NLGN4Y: variants seen among roughly 807,000 people sequenced by gnomAD.
NLGN4Y encodes the protein neuroligin-4, Y-linked.
A neutral mutation model predicts 8.4 loss-of-function variants in NLGN4Y; 4 were observed. The ratio of observed to expected loss-of-function variants is 0.48; its 90% CI spans 0.23 to 1.09. The LOEUF (loss-of-function observed/expected upper bound fraction) is 1.09, where lower values mean the gene tolerates loss of function less well. NLGN4Y is among the 50% of genes least tolerant of loss of function. The pLI is 0.19. For synonymous variants in NLGN4Y, 35 were observed against 75.6 expected, an observed-to-expected ratio of 0.46 and a Z score of 2.78; for missense variants, 90 against 192.3, an observed-to-expected ratio of 0.47 and a Z score of 3.15.
At chrY:14,743,247 A>G (rs2081012776) in intron 4 of NLGN4Y, among the ~76,000 whole-genome samples, 1 of 33,270 alleles carries the variant, frequency 3.0e-5, no homozygotes, top group South Asian at 6.6e-4. Flanking sequence ...TAATCTCAGC[A>G]CTTCAGGAGG....
chrY:14,750,103 C>G, intron 4 of NLGN4Y, among the ~76,000 whole-genome samples: 1 of 32,646 alleles, frequency 3.1e-5, no homozygotes, highest in East Asian at 8.0e-4. Context: ...CTATTCTTCA[C>G]CTGCTGCAAT....
At position 14,778,079 on chromosome Y, in the gene NLGN4Y, C is replaced by A. The variant is rs545238787; in HGVS notation, c.686-46109C>A. On this transcript the variant is annotated intron_variant, in intron 4 of 6. Transcript: ENST00000684976. ...AATAAATAAATAAATAAATAAATAA[C>A]TATGTATGTTCTTTCCAGCTTTTCA... 7.5e-3 allele frequency among the ~76,000 whole-genome samples: 186 copies of A among 24,898 alleles called. No homozygotes were observed. In the South Asian group the frequency reaches 0.19, roughly 26 times the overall value. The allele number at this position is 24,898 out of a possible 37,273, so 66.8% of individuals were successfully genotyped here.
intron 4 of NLGN4Y, chrY:14,733,695 G>T: frequency 1.1e-5 from 1 of 90,399 alleles, no homozygotes. Context: ...GTGCACAGGT[G>T]CTGGAACTTG....
intron 1 of NLGN4Y, among the ~76,000 whole-genome samples, chrY:14,554,199 A>AT (rs1569355926): frequency 0.061 from 470 of 7,667 alleles, no homozygotes; most frequent in East Asian, 0.31. Flanking sequence ...TTTTTCCTCT[A>AT]TTTTTTTTTT....
At chrY:14,815,927 GC>G (rs2043100241) in intron 4 of NLGN4Y, among the ~76,000 whole-genome samples, 1 of 33,536 alleles carries the variant, frequency 3.0e-5, no homozygotes, top group South Asian at 6.7e-4. Flanking sequence ...TACCAGTCCT[GC>G]CCAGGATAGT....
chrY:14,685,559 C>T, intron 2 of NLGN4Y, among the ~76,000 whole-genome samples: 1 of 32,826 alleles, frequency 3.0e-5, no homozygotes, highest in African/African-American at 1.2e-4. Flanking sequence ...ATTGCATTGC[C>T]TTCTTCTGCA....
intron 1 of NLGN4Y, among the ~76,000 whole-genome samples, chrY:14,542,783 A>G: frequency 3.0e-5 from 1 of 33,478 alleles, no homozygotes; most frequent in Non-Finnish European, 7.4e-5. Context: ...CATGTACACC[A>G]TAGAATACTA....
At chrY:14,540,731 G>A (rs375406752) in intron 1 of NLGN4Y, among the ~76,000 whole-genome samples, 84 of 33,623 alleles carry the variant, frequency 2.5e-3, no homozygotes, top group Non-Finnish European at 4.2e-3. Flanking sequence ...TGCAGCAGAG[G>A]GGCCTGTTAG....
intron 2 of NLGN4Y, among the ~76,000 whole-genome samples, chrY:14,692,320 C>G (rs751096270): frequency 5.2e-4 from 17 of 32,830 alleles, no homozygotes; most frequent in Non-Finnish European, 7.5e-4. Flanking sequence ...TTATCTAATT[C>G]TTAGTAATCT....
intron 6 of NLGN4Y, among the ~76,000 whole-genome samples, chrY:14,838,491 G>A (rs1026001847): frequency 3.1e-5 from 1 of 32,256 alleles, no homozygotes; most frequent in African/African-American, 1.2e-4. Context: ...TATATGGTTA[G>A]TATACAGTAT....
intron 2 of NLGN4Y, among the ~76,000 whole-genome samples, chrY:14,656,155 A>G (rs2080650422): frequency 9.0e-5 from 3 of 33,450 alleles, no homozygotes; most frequent in African/African-American, 2.3e-4. Context: ...CTAATATCCT[A>G]CTAAGTCTTT....
At chrY:14,603,154 G>GGT (rs757388537) in intron 1 of NLGN4Y, among the ~76,000 whole-genome samples, 47 of 30,775 alleles carry the variant, frequency 1.5e-3, no homozygotes, top group African/African-American at 4.8e-3. Flanking sequence ...GTGTGTGCGT[G>GGT]GTGTGTGTGT....
chrY:14,567,219 ATTTTTTTTT>A (rs751311222), intron 1 of NLGN4Y, among the ~76,000 whole-genome samples: 3 of 13,198 alleles, frequency 2.3e-4, no homozygotes, highest in Non-Finnish European at 4.9e-4. Context: ...TTTGCTTTGA[ATTTTTTTTT>A]TTTTTTTTTT....
At position 14,727,594 on chromosome Y, in the gene NLGN4Y, A is replaced by T. The variant is rs565963237; in HGVS notation, c.685+4325A>T. Reference sequence around the variant, plus strand: ...TATATCCCACTTGCTTCACTTTGTGATTCATCATTGCATGGGTATAACTGG... The same window carrying T: ...TATATCCCACTTGCTTCACTTTGTGTTTCATCATTGCATGGGTATAACTGG... On this transcript the variant is annotated intron_variant, in intron 4 of 6. Coordinates refer to ENST00000684976, the MANE Select transcript of NLGN4Y (RefSeq NM_001365588.1). 1.2e-4 allele frequency among the ~76,000 whole-genome samples: 4 copies of T among 33,538 alleles called. No homozygotes were observed. In the South Asian group the frequency reaches 2.7e-3, roughly 23 times the overall value. 90.0% of individuals were successfully genotyped at this position (33,538 alleles called of 37,273 possible).
chrY:14,636,582 G>T (rs2080566030), intron 2 of NLGN4Y, among the ~76,000 whole-genome samples: 1 of 33,246 alleles, frequency 3.0e-5, no homozygotes, highest in South Asian at 6.7e-4. Context: ...ATAATAATGG[G>T]AACAGATTTC....
chrY:14,600,836 C>T, intron 1 of NLGN4Y, among the ~76,000 whole-genome samples: 2 of 33,096 alleles, frequency 6.0e-5, no homozygotes, highest in South Asian at 6.8e-4. Context: ...TACACATCAC[C>T]TCAAGCATTT....
intron 4 of NLGN4Y, among the ~76,000 whole-genome samples, chrY:14,730,499 C>T (rs2080967963): frequency 3.0e-5 from 1 of 33,201 alleles, no homozygotes. Context: ...ATATTGCACC[C>T]GTCACCTGAA....
chrY:14,547,243 G>C, intron 1 of NLGN4Y, among the ~76,000 whole-genome samples: 1 of 33,223 alleles, frequency 3.0e-5, no homozygotes, highest in Non-Finnish European at 7.4e-5. Context: ...TTCAGTTCTT[G>C]GCCACATTGG....
At chrY:14,746,306 G>T in intron 4 of NLGN4Y, among the ~76,000 whole-genome samples, 1 of 33,310 alleles carries the variant, frequency 3.0e-5, no homozygotes, top group Admixed American at 2.7e-4. Context: ...CCCTCACATG[G>T]TTTCCAGTGG....
Sources: gnomAD v4.1 joint callset for allele counts (sites outside exome capture counted in the v4.1 genomes callset) on GRCh38, gnomAD v4.1.1 for gene constraint, MANE v1.5 for transcripts, NCBI Gene and HGNC (gene_info 2026-07-23, HGNC 2026-07-21) for gene names.